The following GARNL3 variants were observed in gnomAD, a reference collection of about 807,000 sequenced individuals.
GARNL3 encodes GTPase-activating Rap/Ran-GAP domain-like protein 3.
A neutral mutation model predicts 125.0 loss-of-function variants in GARNL3; 63 were observed. The observed-to-expected ratio is 0.50, with a 90% CI of 0.41 to 0.62. The LOEUF (loss-of-function observed/expected upper bound fraction) is 0.62. Ranked by LOEUF, GARNL3 falls within the 20% of genes least tolerant of loss-of-function variation. The pLI is 0.00. For missense variants in GARNL3, 994 were observed against 1,244.0 expected, an observed-to-expected ratio of 0.80 and a Z score of 3.02; for synonymous variants, 439 against 457.5, an observed-to-expected ratio of 0.96 and a Z score of 0.52.
chr9:127,276,041 C>G (rs1303215362), intron 1 of GARNL3, among the ~76,000 whole-genome samples: 7 of 152,168 alleles, frequency 4.6e-5, no homozygotes, highest in African/African-American at 1.4e-4. Flanking sequence ...TTTGATGCTT[C>G]CCTTCCTTGT....
intron 1 of GARNL3, among the ~76,000 whole-genome samples, chr9:127,227,954 G>C (rs551990251): frequency 1.3e-5 from 2 of 152,284 alleles, no homozygotes; most frequent in Admixed American, 1.3e-4. Flanking sequence ...GTGTTTGTGA[G>C]AAGAAATCTG....
chr9:127,356,257 G>A (rs1830683718), intron 20 of GARNL3, among the ~76,000 whole-genome samples: 1 of 152,204 alleles, frequency 6.6e-6, no homozygotes, highest in South Asian at 2.1e-4. Context: ...CAGCATCCTG[G>A]CAAGAAAGGT....
At chr9:127,327,816 T>A (rs1010352215) in intron 7 of GARNL3, among the ~76,000 whole-genome samples, 5 of 152,116 alleles carry the variant, frequency 3.3e-5, no homozygotes, top group African/African-American at 1.2e-4. Flanking sequence ...TGGTAAAAAT[T>A]TGAAAAAGAA....
intron 16 of GARNL3, among the ~76,000 whole-genome samples, chr9:127,345,896 G>T (rs1249954649): frequency 6.6e-6 from 1 of 152,216 alleles, no homozygotes; most frequent in African/African-American, 2.4e-5. Flanking sequence ...AAACAGCAAG[G>T]CTCCTGGGCA....
At chr9:127,274,990 C>T (rs1415849447) in intron 1 of GARNL3, among the ~76,000 whole-genome samples, 3 of 152,186 alleles carry the variant, frequency 2.0e-5, no homozygotes, top group Non-Finnish European at 4.4e-5. Context: ...TGCATCATGG[C>T]TTGTCGTGTG....
chr9:127,378,765 TTTTG>T (rs552877685), intron 22 of GARNL3, among the ~76,000 whole-genome samples: 42 of 152,096 alleles, frequency 2.8e-4, no homozygotes, highest in East Asian at 3.9e-4. Context: ...TATATATATT[TTTTG>T]TTTGTTTGTT....
chr9:127,323,842 A>G (rs146881179), intron 6 of GARNL3, among the ~76,000 whole-genome samples: 119 of 152,354 alleles, frequency 7.8e-4, no homozygotes, highest in African/African-American at 2.8e-3. Flanking sequence ...GTGTTGAGGA[A>G]GATCAAAGTA....
Position 127,357,253 on chromosome 9 carries a change from C to A in GARNL3, c.1970C>A (p.Thr657Asn), listed in dbSNP as rs1471536694. The A allele has an allele frequency of 1.2e-6, 2 of 1,614,188 alleles. No individual in the cohort carries two copies. The highest frequency in any genetic ancestry group is 1.6e-4 in the Middle Eastern group (1 of 6,062). Reference sequence around the variant, plus strand: ...CTGTCTGACTCTCCCATGGTGATGACCTTAGTGGATGGGCCAGCTGAAGAG... The same window carrying A: ...CTGTCTGACTCTCCCATGGTGATGAACTTAGTGGATGGGCCAGCTGAAGAG... ...ICLSDSPMVM[T>N]LVDGPAEESD... is the part of the protein sequence containing the mutation. Residue 657 changes from threonine to asparagine, a missense_variant, in exon 21 of 28, where the codon ACC (threonine) becomes AAC (asparagine). Coordinates refer to ENST00000373387, the MANE Select transcript of GARNL3 (RefSeq NM_032293.5).
rs116894488 is a variant in GARNL3 at position 127,257,126 on chromosome 9, A to G, written c.144-7826A>G. On this transcript the variant is annotated intron_variant, in intron 2 of 10. Coordinates refer to the GARNL3 transcript ENST00000439286. ...GTAGTTTGTTCCTTTTAATTGCTCAATAGTATTCTGTGGTGTGGATGTACC... is the reference window on the plus strand; with the variant it reads ...GTAGTTTGTTCCTTTTAATTGCTCAGTAGTATTCTGTGGTGTGGATGTACC... Among the ~76,000 whole-genome samples the G allele has an allele frequency of 4.3e-3, 649 of 152,318 alleles. 2 individuals carry two copies. The highest frequency in any genetic ancestry group is 0.01 in the Middle Eastern group (3 of 294).
At position 127,339,557 on chromosome 9, in the gene GARNL3, G is replaced by A. The variant is rs1045379318; in HGVS notation, c.1029-88G>A. 1.6e-5 allele frequency: 14 copies of A among 891,602 alleles called. No homozygotes were observed. In the African/African-American group the frequency reaches 2.1e-4, roughly 14 times the overall value. The allele number at this position is 891,602 out of a possible 1,614,324, so 55.2% of individuals were successfully genotyped here. A position where few individuals can be genotyped will look rare whatever the true frequency, so the allele number is the denominator to read the frequency against. ...CCACCCATGGCATGTGGGAATTCTG[G>A]GAGATACAATTCAAGTGGCGATTTG... On this transcript the variant is annotated intron_variant, in intron 12 of 27. Transcript: ENST00000373387.
At position 127,335,276 on chromosome 9, in the gene GARNL3, T is replaced by A. The variant is rs759634054; in HGVS notation, c.816T>A (p.His272Gln). Residue 272 changes from histidine to glutamine, a missense_variant, in exon 10 of 28, where the codon CAT (histidine) becomes CAA (glutamine). Around this residue, in one of 5 missense-constraint regions of GARNL3, gnomAD observed 71 missense variants for 66.2 expected, o/e 1.07. Transcript: ENST00000373387. The part of the protein sequence containing the change: ...IHSVYTVYQG[H>Q]EIMFHVSTML... ...CAGTTTATACTGTGTACCAAGGGCA[T>A]GAGATCATGTTTCATGTTTCCACCA... 1 of 1,611,562 alleles carries A rather than the reference T, an allele frequency of 6.2e-7. No homozygotes were observed. The highest frequency in any genetic ancestry group is 1.7e-5 in the Admixed American group (1 of 60,020).
chr9:127,322,555 C>G (rs1588852817), intron 6 of GARNL3, among the ~76,000 whole-genome samples: 1 of 152,156 alleles, frequency 6.6e-6, no homozygotes, highest in South Asian at 2.1e-4. Context: ...GAACTTTCCC[C>G]TTGTCCTCTG....
At chr9:127,292,919 A>G (rs2131377092) in intron 2 of GARNL3, among the ~76,000 whole-genome samples, 1 of 152,340 alleles carries the variant, frequency 6.6e-6, no homozygotes, top group Admixed American at 6.5e-5. Context: ...CATCTTGGGA[A>G]CAATTTGGGG....
chr9:127,385,740 G>A lies in GARNL3; in HGVS notation c.2388+595G>A, dbSNP rs998199119. ...CCTGCCAGACTGGGCTGGCTCCCCC[G>A]CTGTGTCCCCTGTTCCCTTCCCTGG... On this transcript the variant is annotated intron_variant, in intron 24 of 27. Transcript: ENST00000373387. The surrounding 1 kb of genome is among the most constrained non-coding windows in gnomAD (Gnocchi z 4.1). Among the ~76,000 whole-genome samples the A allele has an allele frequency of 2.0e-5, 3 of 152,232 alleles. No individual in the cohort carries two copies. The highest frequency in any genetic ancestry group is 4.8e-5 in the African/African-American group (2 of 41,544).
intron 17 of GARNL3, among the ~76,000 whole-genome samples, chr9:127,349,683 C>T (rs1210011996): frequency 6.6e-6 from 1 of 151,960 alleles, no homozygotes; most frequent in East Asian, 1.9e-4. Context: ...AGTGTGGTCC[C>T]TTCCATCAGG....
At chr9:127,304,097 T>C (rs1218190520) in intron 2 of GARNL3, among the ~76,000 whole-genome samples, 1 of 152,242 alleles carries the variant, frequency 6.6e-6, no homozygotes, top group Non-Finnish European at 1.5e-5. Context: ...ATCTGGAAAG[T>C]GTACTCATCA....
intron 19 of GARNL3, 87 bp from the exon 20 acceptor site, chr9:127,355,210 G>A (rs950798125): frequency 2.0e-6 from 2 of 1,025,058 alleles, no homozygotes; most frequent in African/African-American, 1.6e-5. Context: ...TAATTTCCAG[G>A]GTTCCTAGGT....
At chr9:127,309,421 A>G (rs1161710614) in intron 2 of GARNL3, among the ~76,000 whole-genome samples, 1 of 152,240 alleles carries the variant, frequency 6.6e-6, no homozygotes, top group Non-Finnish European at 1.5e-5. Context: ...CACTCTCTCA[A>G]TGCATGTCAG....
intron 1 of GARNL3, among the ~76,000 whole-genome samples, chr9:127,228,652 T>G (rs979707171): frequency 3.3e-5 from 5 of 152,238 alleles, no homozygotes; most frequent in African/African-American, 1.2e-4. Context: ...TTGAAGCACT[T>G]TTTATTTATT....
Sources: allele counts gnomAD v4.1 joint callset (sites outside exome capture counted in the v4.1 genomes callset), GRCh38; gene constraint gnomAD v4.1.1; regional missense constraint gnomAD v4.1.1; non-coding constraint Gnocchi (gnomAD v3.1); transcripts MANE v1.5; gene names NCBI Gene and HGNC (gene_info 2026-07-23, HGNC 2026-07-21).